The following NTMT1 variants were observed in gnomAD, a reference collection of about 807,000 sequenced individuals.
The protein encoded by NTMT1 is N-terminal Xaa-Pro-Lys N-methyltransferase 1.
A neutral mutation model predicts 17.5 loss-of-function variants in NTMT1; 8 were observed. The observed-to-expected ratio is 0.46, with a 90% CI of 0.27 to 0.82. The LOEUF (loss-of-function observed/expected upper bound fraction) is 0.82, where lower values mean the gene tolerates loss of function less well. Among genes scored for constraint, NTMT1 ranks in the 40% least tolerant of loss-of-function variants. The pLI, the probability that NTMT1 is intolerant of heterozygous loss-of-function variation, is 0.15. For synonymous variants in NTMT1, 128 were observed against 126.8 expected (o/e 1.01, Z -0.06); for missense variants, 221 against 303.5 (o/e 0.73, Z 2.02).
chr9:129,612,221 A>G (rs1361041004), intron 1 of NTMT1: 11 of 719,614 alleles, frequency 1.5e-5, no homozygotes, highest in East Asian at 2.8e-5. Context: ...GTACCCAGAA[A>G]GGCTTGTGGT....
At position 129,613,684 on chromosome 9, in the gene NTMT1, G is replaced by A; in HGVS notation, c.-55+4506G>A. On this transcript the variant is annotated intron_variant, in intron 1 of 3. Transcript: ENST00000372486. This position sits in a 1 kb window ranked among gnomAD's most constrained non-coding sequence, Gnocchi z 6.2. ...TCTTTTCCTCCCTCTGGCAGGCAGGGCCGGTCAGAGCCCTGTCTCCATGGC... is the reference window on the plus strand; with the variant it reads ...TCTTTTCCTCCCTCTGGCAGGCAGGACCGGTCAGAGCCCTGTCTCCATGGC... The A allele has an allele frequency of 1.3e-6, 2 of 1,527,176 alleles. No homozygotes were observed. Among genetic ancestry groups the A allele is most frequent in the Admixed American group, 3.5e-5 (2 of 56,348 alleles). The allele number at this position is 1,527,176 out of a possible 1,614,324, so 94.6% of individuals were successfully genotyped here.
At position 129,613,998 on chromosome 9, in the gene NTMT1, C is replaced by G. The variant is rs1830224576; in HGVS notation, c.-55+4820C>G. Among the ~76,000 whole-genome samples the G allele has an allele frequency of 6.6e-6, 1 of 152,172 alleles. No individual in the cohort carries two copies. The highest frequency in any genetic ancestry group is 2.4e-5 in the African/African-American group (1 of 41,436). On this transcript the variant is annotated intron_variant, in intron 1 of 3. Coordinates refer to the NTMT1 transcript ENST00000372486. The surrounding 1 kb of genome is among the most constrained non-coding windows in gnomAD (Gnocchi z 6.2). ...CGAGGTGGTCCAAGGACCCTGAGTT[C>G]CCCAATGGCTGCCCCAGGATGGAAA...
At chr9:129,630,524 C>T (rs75252897) in intron 1 of NTMT1, among the ~76,000 whole-genome samples, 2,208 of 152,318 alleles carry the variant, frequency 0.014, 63 homozygotes, top group African/African-American at 0.049. Context: ...TGCTCCTTCT[C>T]AGGGCATTTT....
chr9:129,634,343 G>C, intron 3 of NTMT1, 37 bp downstream of exon 3: 2 of 1,554,254 alleles, frequency 1.3e-6, no homozygotes, highest in Non-Finnish European at 8.7e-7. Flanking sequence ...TCACCTGTAT[G>C]TCTCCTGCCA....
chr9:129,627,744 C>T (rs1830966767), intron 1 of NTMT1, among the ~76,000 whole-genome samples: 1 of 152,318 alleles, frequency 6.6e-6, no homozygotes, highest in Non-Finnish European at 1.5e-5. Context: ...AGCACTCTGC[C>T]GTTTGCATGT....
intron 1 of NTMT1, chr9:129,615,368 G>T: frequency 8.9e-7 from 1 of 1,125,040 alleles, no homozygotes. Flanking sequence ...CAGGATCACT[G>T]ATCTCTTGGC....
intron 1 of NTMT1, chr9:129,612,961 G>A: frequency 1.0e-6 from 1 of 982,252 alleles, no homozygotes; most frequent in South Asian, 1.6e-5. Flanking sequence ...ACAGGGCGTG[G>A]CCACTGCAAG....
intron 1 of NTMT1, among the ~76,000 whole-genome samples, chr9:129,611,550 G>T (rs1470045075): frequency 6.6e-6 from 1 of 152,170 alleles, no homozygotes; most frequent in Non-Finnish European, 1.5e-5. Flanking sequence ...ACCAACACAG[G>T]GCTCTCTTCC....
chr9:129,619,479 C>G (rs746735438), intron 1 of NTMT1: 1 of 1,428,588 alleles, frequency 7.0e-7, no homozygotes, highest in Non-Finnish European at 9.7e-7. Context: ...AGAAATGCCC[C>G]TTTCCTCCAC....
intron 1 of NTMT1, chr9:129,626,653 G>C (rs1466140543): frequency 6.6e-6 from 1 of 152,290 alleles, no homozygotes; most frequent in Non-Finnish European, 1.5e-5. Flanking sequence ...GGATGGATGG[G>C]AGGAATCGGT....
At chr9:129,618,354 T>C (rs1830493070) in intron 1 of NTMT1, among the ~76,000 whole-genome samples, 1 of 152,092 alleles carries the variant, frequency 6.6e-6, no homozygotes, top group South Asian at 2.1e-4. Context: ...TAGTAAAACC[T>C]AATAAAAGTT....
intron 1 of NTMT1, among the ~76,000 whole-genome samples, chr9:129,618,508 G>T (rs1323548705): frequency 1.3e-5 from 2 of 152,176 alleles, no homozygotes; most frequent in African/African-American, 4.8e-5. Flanking sequence ...TAGATGGACA[G>T]ATGCGTGGCT....
In NTMT1 at chr9:129,620,313, G is replaced by A. The variant is rs988430582; in HGVS notation, c.-55+11135G>A. ...AGCCCCCGCTTCCGCACGGCCCGCC[G>A]GGTCGCGGTGAGCAAGGCGGGCAGG... On this transcript the variant is annotated intron_variant, in intron 1 of 3. Coordinates refer to the NTMT1 transcript ENST00000372486. This position sits in a 1 kb window ranked among gnomAD's most constrained non-coding sequence, Gnocchi z 5.8. 9.7e-6 allele frequency: 12 copies of A among 1,242,780 alleles called. No individual in the cohort carries two copies. The African/African-American group carries it at 1.9e-4, about 19-fold the overall frequency. The allele number at this position is 1,242,780 out of a possible 1,614,324, so 77.0% of individuals were successfully genotyped here.
At chr9:129,619,242 G>A (rs181326070) in intron 1 of NTMT1, among the ~76,000 whole-genome samples, 3 of 152,302 alleles carry the variant, frequency 2.0e-5, no homozygotes, top group East Asian at 3.9e-4. Flanking sequence ...TGCAAAGATG[G>A]ATGGGTGAAT....
chr9:129,620,028 A>T lies in NTMT1; in HGVS notation c.-55+10850A>T, dbSNP rs1363832872. The T allele has an allele frequency of 4.8e-6, 7 of 1,456,742 alleles. No individual in the cohort carries two copies. In the South Asian group the frequency reaches 8.6e-5, roughly 18 times the overall value. The allele number at this position is 1,456,742 out of a possible 1,614,324, so 90.2% of individuals were successfully genotyped here. On this transcript the variant is annotated intron_variant, in intron 1 of 3. Coordinates refer to the NTMT1 transcript ENST00000372486. The surrounding 1 kb of genome is among the most constrained non-coding windows in gnomAD (Gnocchi z 5.8). ...CACAAGGGACCACCCCCCACCGGAA[A>T]TGACTCGGGCCCGCCCCCCGGGCCC...
rs181349535 is a variant in NTMT1 at position 129,635,244 on chromosome 9, G to C, written c.452G>C (p.Arg151Pro). ...GATCAGCACCTGGCCGAGTTCCTGC[G>C]GCGCTGCAAGGGCAGCCTCCGCCCC... ...LTDQHLAEFLRRCKGSLRPNG... is the reference protein window; with the variant it reads ...LTDQHLAEFLPRCKGSLRPNG... Residue 151 changes from arginine (R) to proline (P), a missense_variant, in exon 4 of 4, where the codon CGG becomes CCG. Arg to Pro is a moderately radical substitution (Grantham distance 103). Coordinates refer to ENST00000372483, the MANE Select transcript of NTMT1 (RefSeq NM_014064.4). 3.1e-6 allele frequency: 5 copies of C among 1,612,372 alleles called. No individual in the cohort carries two copies. The highest frequency in any genetic ancestry group is 4.2e-6 in the Non-Finnish European group (5 of 1,180,002).
At chr9:129,622,937 G>A (rs1011930110), upstream of NTMT1, among the ~76,000 whole-genome samples, 1 of 152,072 alleles carries the variant, frequency 6.6e-6, no homozygotes, top group African/African-American at 2.4e-5. Context: ...GCTGAGGTAG[G>A]AGAATTGCTT....
At chr9:129,626,086 G>A (rs1287667719), upstream of NTMT1, 2 of 152,160 alleles carry the variant, frequency 1.3e-5, no homozygotes, top group African/African-American at 4.8e-5. Context: ...GCGGGGGAGG[G>A]GCGAGCTGAG....
intron 2 of NTMT1, 141 bp downstream of exon 2, chr9:129,633,006 G>A: frequency 3.1e-6 from 3 of 955,942 alleles, no homozygotes; most frequent in Middle Eastern, 3.5e-4. Context: ...GCCTTGAGGA[G>A]CTGGGCTGGG....
Sources: allele counts gnomAD v4.1 joint callset (sites outside exome capture counted in the v4.1 genomes callset), GRCh38; gene constraint gnomAD v4.1.1; non-coding constraint Gnocchi (gnomAD v3.1); transcripts MANE v1.5; gene names NCBI Gene and HGNC (gene_info 2026-07-23, HGNC 2026-07-21).